Variants in PPM1H observed in about 807,000 individuals in gnomAD.
PPM1H encodes the protein protein phosphatase 1H.
PPM1H carries 27 observed loss-of-function variants against 54.9 expected under a neutral mutation model. The observed-to-expected ratio is 0.49, with a 90% CI of 0.36 to 0.68. PPM1H has a LOEUF of 0.68. Ranked by LOEUF, PPM1H falls within the 30% of genes least tolerant of loss-of-function variation. The probability of loss-of-function intolerance (pLI) is 0.00; values close to 1 mark genes in which losing one functional copy is unlikely to be tolerated. For missense variants in PPM1H, 596 were observed against 667.8 expected (o/e 0.89, Z 1.19); for synonymous variants, 305 against 270.8 (o/e 1.13, Z -1.24).
chr12:62,695,055 A>T (rs2076106356), intron 6 of PPM1H, among the ~76,000 whole-genome samples: 2 of 152,276 alleles, frequency 1.3e-5, no homozygotes, highest in Admixed American at 1.3e-4. Flanking sequence ...AAAAATCCTA[A>T]TTTATTAAAT....
At chr12:62,758,816 C>A (rs763563993) in intron 4 of PPM1H, among the ~76,000 whole-genome samples, 79 of 152,176 alleles carry the variant, frequency 5.2e-4, no homozygotes, top group Non-Finnish European at 9.3e-4. Context: ...TCCCTGTGAC[C>A]TGCACTTTTA....
chr12:62,798,083 A>G (rs1419499192), intron 3 of PPM1H, among the ~76,000 whole-genome samples: 5 of 152,248 alleles, frequency 3.3e-5, no homozygotes, highest in African/African-American at 1.2e-4. Flanking sequence ...GTCTCAATCC[A>G]TTCAGTTTAT....
chr12:62,761,710 G>A (rs539422608), intron 4 of PPM1H, among the ~76,000 whole-genome samples: 15 of 152,282 alleles, frequency 9.9e-5, no homozygotes, highest in East Asian at 3.9e-4. Context: ...TTATAGGAGC[G>A]TTTTGCAAGA....
chr12:62,794,600 CA>C (rs2076721399), intron 3 of PPM1H, among the ~76,000 whole-genome samples: 2 of 152,160 alleles, frequency 1.3e-5, no homozygotes, highest in Admixed American at 1.3e-4. Context: ...GTCCAGAGCT[CA>C]AATCCCATAG....
chr12:62,822,243 C>A (rs140734198), intron 2 of PPM1H, among the ~76,000 whole-genome samples: 13,372 of 152,184 alleles, frequency 0.088, 644 homozygotes, highest in Middle Eastern at 0.13. Flanking sequence ...CAGGAGCACC[C>A]AGATTCATAA....
chr12:62,679,967 C>T (rs1377218865), intron 8 of PPM1H, among the ~76,000 whole-genome samples: 1 of 152,218 alleles, frequency 6.6e-6, no homozygotes, highest in Non-Finnish European at 1.5e-5. Flanking sequence ...GGCAATTCTA[C>T]AGGAAGGCTG....
At chr12:62,676,761 G>C (rs911627553) in intron 8 of PPM1H, among the ~76,000 whole-genome samples, 26 of 152,180 alleles carry the variant, frequency 1.7e-4, no homozygotes, top group African/African-American at 6.3e-4. Flanking sequence ...GGTGGCTCAA[G>C]GTGGGCCTGC....
At chr12:62,843,674 T>C (rs554966377) in intron 1 of PPM1H, among the ~76,000 whole-genome samples, 1 of 152,210 alleles carries the variant, frequency 6.6e-6, no homozygotes, top group Non-Finnish European at 1.5e-5. Context: ...TTACTGCAAA[T>C]GTACATTAAA....
intron 3 of PPM1H, among the ~76,000 whole-genome samples, chr12:62,789,277 A>T (rs918368009): frequency 1.3e-5 from 2 of 152,174 alleles, no homozygotes; most frequent in Non-Finnish European, 2.9e-5. Flanking sequence ...CTCCCAAAGC[A>T]CTGGGCCACC....
At chr12:62,893,826 C>T (rs1389119216) in intron 1 of PPM1H, among the ~76,000 whole-genome samples, 3 of 152,112 alleles carry the variant, frequency 2.0e-5, no homozygotes, top group African/African-American at 7.2e-5. Context: ...GCCCTATCTC[C>T]AAATATAGTC....
At chr12:62,731,001 T>A (rs1304147601) in intron 5 of PPM1H, among the ~76,000 whole-genome samples, 1 of 152,198 alleles carries the variant, frequency 6.6e-6, no homozygotes, top group Non-Finnish European at 1.5e-5. Context: ...TGTTCTTAAT[T>A]TGTTGTCAAA....
At chr12:62,663,880 A>G (rs1048513069) in intron 9 of PPM1H, among the ~76,000 whole-genome samples, 1 of 152,154 alleles carries the variant, frequency 6.6e-6, no homozygotes, top group African/African-American at 2.4e-5. Flanking sequence ...AATCCCAGCT[A>G]CTAGGGAGGC....
At chr12:62,750,067 C>CAA (rs10564133) in intron 4 of PPM1H, among the ~76,000 whole-genome samples, 1 of 145,210 alleles carries the variant, frequency 6.9e-6, no homozygotes. Context: ...TATCATTTCT[C>CAA]AAAAAAAAAA....
intron 6 of PPM1H, among the ~76,000 whole-genome samples, chr12:62,707,928 A>G (rs146476343): frequency 1.3e-5 from 2 of 152,326 alleles, no homozygotes; most frequent in African/African-American, 4.8e-5. Context: ...GAAGACTGAC[A>G]AGGCTGATCC....
chr12:62,932,603 C>A (rs944266072), intron 1 of PPM1H, among the ~76,000 whole-genome samples: 39 of 130,024 alleles, frequency 3.0e-4, no homozygotes, highest in Non-Finnish European at 5.3e-4. Context: ...CTCCAAGTTG[C>A]TGTCTCGTAA....
intron 1 of PPM1H, among the ~76,000 whole-genome samples, chr12:62,894,400 G>A (rs1014734452): frequency 2.0e-5 from 3 of 152,108 alleles, no homozygotes; most frequent in East Asian, 1.9e-4. Flanking sequence ...GTTGCTCCTC[G>A]TGTTAACAAG....
At chr12:62,913,700 TG>T (rs34269896) in intron 1 of PPM1H, among the ~76,000 whole-genome samples, 5 of 152,092 alleles carry the variant, frequency 3.3e-5, no homozygotes, top group Admixed American at 2.6e-4. Context: ...ACTGGTTTTT[TG>T]GGGGGTTCTT....
intron 1 of PPM1H, among the ~76,000 whole-genome samples, chr12:62,897,727 A>T (rs1362377313): frequency 6.6e-6 from 1 of 152,206 alleles, no homozygotes; most frequent in South Asian, 2.1e-4. Context: ...CAGCTGGGTC[A>T]AGCAGAAGAT....
chr12:62,679,831 G>A (rs1376046832), intron 8 of PPM1H, among the ~76,000 whole-genome samples: 1 of 152,148 alleles, frequency 6.6e-6, no homozygotes, highest in East Asian at 1.9e-4. Flanking sequence ...TTGTAAATAT[G>A]CCTTTACACT....
Sources: allele counts gnomAD v4.1 joint callset (sites outside exome capture counted in the v4.1 genomes callset), GRCh38; gene constraint gnomAD v4.1.1; transcripts MANE v1.5; gene names NCBI Gene and HGNC (gene_info 2026-07-23, HGNC 2026-07-21).